The following SORL1 variants were observed in gnomAD, a reference collection of about 807,000 sequenced individuals.
SORL1 encodes sortilin related receptor 1.
Under a neutral mutation model 273.7 loss-of-function variants are expected in SORL1, and 127 were observed. The ratio of observed to expected loss-of-function variants is 0.46; its 90% CI spans 0.40 to 0.54. The LOEUF is 0.54. SORL1 is among the 20% of genes least tolerant of loss of function. The pLI is 0.00. For synonymous variants in SORL1, 1,031 were observed against 1,067.4 expected (o/e 0.97, Z 0.66); for missense variants, 2,494 against 2,846.1 (o/e 0.88, Z 2.81).
chr11:121,613,646 C>T (rs1036134627), intron 40 of SORL1, among the ~76,000 whole-genome samples: 10 of 152,164 alleles, frequency 6.6e-5, no homozygotes, highest in African/African-American at 1.2e-4. Flanking sequence ...AGGCATTCTA[C>T]GCATATTATT....
chr11:121,487,033 T>C (rs984320880), intron 3 of SORL1, among the ~76,000 whole-genome samples: 1 of 152,188 alleles, frequency 6.6e-6, no homozygotes, highest in African/African-American at 2.4e-5. Context: ...CACACTGCCC[T>C]AGACGTGGAA....
chr11:121,519,979 G>A (rs1862015060), intron 8 of SORL1, among the ~76,000 whole-genome samples: 1 of 152,182 alleles, frequency 6.6e-6, no homozygotes, highest in African/African-American at 2.4e-5. Context: ...GGCTGGACAT[G>A]GTGGCTCATG....
chr11:121,492,504 T>C (rs181310479), intron 5 of SORL1, among the ~76,000 whole-genome samples: 8 of 152,346 alleles, frequency 5.3e-5, no homozygotes, highest in Non-Finnish European at 8.8e-5. Context: ...CACATTCTAA[T>C]ATACTATTAT....
chr11:121,621,999 T>C (rs1447940703), intron 44 of SORL1, among the ~76,000 whole-genome samples, 163 bp from the exon 45 acceptor site: 1 of 152,232 alleles, frequency 6.6e-6, no homozygotes, highest in Non-Finnish European at 1.5e-5. Context: ...ATAAAGAATA[T>C]CTACCATGTG....
chr11:121,604,978 C>A, intron 33 of SORL1, 135 bp from the exon 34 acceptor site: 1 of 607,244 alleles, frequency 1.6e-6, no homozygotes, highest in Non-Finnish European at 2.8e-6. Context: ...GCCACATTGC[C>A]CAGGCCAGTC....
intron 12 of SORL1, among the ~76,000 whole-genome samples, chr11:121,538,132 A>T (rs1169652877): frequency 1.3e-5 from 2 of 151,184 alleles, no homozygotes; most frequent in Non-Finnish European, 2.9e-5. Flanking sequence ...ATTAATAAAA[A>T]CCTCTGACAG....
intron 35 of SORL1, among the ~76,000 whole-genome samples, chr11:121,606,353 A>T (rs1863472898): frequency 6.6e-6 from 1 of 152,228 alleles, no homozygotes; most frequent in Non-Finnish European, 1.5e-5. Flanking sequence ...TGCCTAAAGT[A>T]TCCTGAATAT....
intron 24 of SORL1, chr11:121,576,961 T>G (rs1397073384): frequency 1.1e-5 from 17 of 1,517,870 alleles, no homozygotes; most frequent in Non-Finnish European, 1.4e-5. Context: ...CCTAACCTTC[T>G]TCCCATCATA....
At chr11:121,460,873 T>G (rs1187004401) in intron 1 of SORL1, among the ~76,000 whole-genome samples, 1 of 152,042 alleles carries the variant, frequency 6.6e-6, no homozygotes, top group East Asian at 1.9e-4. Context: ...AGGTCCCAGA[T>G]AGTTAAGGAC....
chr11:121,611,352 T>C, intron 39 of SORL1, 194 bp downstream of exon 39: 1 of 491,126 alleles, frequency 2.0e-6, no homozygotes, highest in Non-Finnish European at 3.6e-6. Context: ...AGTCTTCACA[T>C]GTAATTATTC....
At chr11:121,600,756 T>C (rs1863376079) in intron 32 of SORL1, among the ~76,000 whole-genome samples, 1 of 152,236 alleles carries the variant, frequency 6.6e-6, no homozygotes, top group Non-Finnish European at 1.5e-5. Flanking sequence ...TGCGATTCTT[T>C]TTAGAGAACC....
At chr11:121,475,358 A>T (rs141913617) in intron 2 of SORL1, among the ~76,000 whole-genome samples, 82 of 152,342 alleles carry the variant, frequency 5.4e-4, no homozygotes, top group Non-Finnish European at 8.5e-4. Flanking sequence ...AGGAAAGTTG[A>T]TGAGTGGTTC....
intron 1 of SORL1, among the ~76,000 whole-genome samples, chr11:121,463,450 T>A (rs1455420121): frequency 6.6e-6 from 1 of 152,072 alleles, no homozygotes; most frequent in African/African-American, 2.4e-5. Flanking sequence ...CTGCCAAGGA[T>A]CAATCAGAAA....
intron 5 of SORL1, among the ~76,000 whole-genome samples, chr11:121,493,603 C>A (rs1269480907): frequency 3.3e-5 from 5 of 152,154 alleles, no homozygotes; most frequent in African/African-American, 1.2e-4. Context: ...TTGTTGGTTT[C>A]AAGGAGCTCT....
At chr11:121,513,820 C>T (rs1056913253) in intron 7 of SORL1, among the ~76,000 whole-genome samples, 7 of 152,152 alleles carry the variant, frequency 4.6e-5, no homozygotes, top group East Asian at 1.9e-4. Context: ...TGCATTAACC[C>T]GTATTGTACT....
In SORL1 at chr11:121,606,833, C is replaced by T. The variant is rs1196242777; in HGVS notation, c.4949-12C>T. 6.3e-7 allele frequency: 1 copy of T among 1,587,754 alleles called. No individual in the cohort carries two copies. Among genetic ancestry groups the T allele is most frequent in the East Asian group, 2.3e-5 (1 of 43,562 alleles). On this transcript the variant is annotated splice_polypyrimidine_tract_variant and intron_variant, in intron 35 of 47. Transcript: ENST00000260197. ...CAGATGGGTTTTAACCTTGAGTTGA[C>T]TCTTTTTCTAGTGCCAGATGCCCCT...
rs372007774 is a variant in SORL1 at position 121,595,612 on chromosome 11, T to C, written c.4370-11T>C. Reference sequence around the variant, plus strand: ...TATTAAAAAGTAAATTTTAAAAATCTTTTATTTTAGCAAACGTCACTGCTG... The same window carrying C: ...TATTAAAAAGTAAATTTTAAAAATCCTTTATTTTAGCAAACGTCACTGCTG... On this transcript the variant is annotated splice_polypyrimidine_tract_variant and intron_variant, in intron 31 of 47. Transcript: ENST00000260197. This position sits in a 1 kb window ranked among gnomAD's most constrained non-coding sequence, Gnocchi z 5.1. 2 of 1,556,764 alleles carry C rather than the reference T, an allele frequency of 1.3e-6. No homozygotes were observed. The highest frequency in any genetic ancestry group is 8.7e-7 in the Non-Finnish European group (1 of 1,150,440).
At chr11:121,602,199 AT>A (rs1293671990) in intron 32 of SORL1, among the ~76,000 whole-genome samples, 1 of 152,148 alleles carries the variant, frequency 6.6e-6, no homozygotes, top group East Asian at 1.9e-4. Context: ...TGGCAAACCA[AT>A]TTCAGCTCAG....
In SORL1 at chr11:121,452,946, T is replaced by C. The variant is rs746690997; in HGVS notation, c.285+330T>C. 6.3e-5 allele frequency: 16 copies of C among 252,664 alleles called. No individual in the cohort carries two copies. The highest frequency in any genetic ancestry group is 1.1e-3 in the Middle Eastern group (1 of 904). The allele number at this position is 252,664 out of a possible 1,614,324, so 15.7% of individuals were successfully genotyped here. A position where few individuals can be genotyped will look rare whatever the true frequency, so the allele number is the denominator to read the frequency against. ...ATCTGGATAAAAAACGGGCTTTCTT[T>C]AGTGTATCATCAGTTGGCAGTGGAG... On this transcript the variant is annotated intron_variant, in intron 1 of 47. Coordinates refer to ENST00000260197, the MANE Select transcript of SORL1 (RefSeq NM_003105.6). The surrounding 1 kb of genome is among the most constrained non-coding windows in gnomAD (Gnocchi z 5.3).
Sources: gnomAD v4.1 joint callset for allele counts (sites outside exome capture counted in the v4.1 genomes callset) on GRCh38, gnomAD v4.1.1 for gene constraint, Gnocchi (gnomAD v3.1) non-coding constraint, MANE v1.5 for transcripts, NCBI Gene and HGNC (gene_info 2026-07-23, HGNC 2026-07-21) for gene names.